Variants in BHLHE23 observed in about 807,000 individuals in gnomAD.
BHLHE23 encodes class E basic helix-loop-helix protein 23.
For missense variants in BHLHE23, 401 were observed against 380.0 expected (o/e 1.06, Z -0.46); for synonymous variants, 204 against 184.4 (o/e 1.11, Z -0.86).
In BHLHE23 at chr20:63,006,653, C is replaced by T; in HGVS notation, c.122G>A (p.Gly41Asp). Residue 41 changes from glycine (G) to aspartate (D), a missense_variant, in exon 1 of 1, where the codon GGT becomes GAT. Physicochemically the swap from Gly to Asp is moderately conservative, Grantham distance 94. Coordinates refer to ENST00000612929, the MANE Select transcript of BHLHE23 (RefSeq NM_080606.4). ...TTCTCGCGCCGCCCCGTAGGCGAGA[C>T]CCGCAGCCGCCGCCGCGTAGCCGTG... ...LSHGYAAAAA[G>D]LAYGAAREPE... is the part of the protein sequence containing the mutation. 2.5e-5 allele frequency: 34 copies of T among 1,373,762 alleles called. No individual in the cohort carries two copies. Among genetic ancestry groups the T allele is most frequent in the Non-Finnish European group, 3.1e-5 (33 of 1,063,190 alleles). 85.1% of individuals were successfully genotyped at this position (1,373,762 alleles called of 1,614,324 possible). A position where few individuals can be genotyped will look rare whatever the true frequency, so the allele number is the denominator to read the frequency against.
In BHLHE23 at chr20:63,006,477, C is replaced by A; in HGVS notation, c.298G>T (p.Gly100Trp). The A allele has an allele frequency of 7.5e-7, 1 of 1,337,422 alleles. No individual in the cohort carries two copies. The highest frequency in any genetic ancestry group is 2.1e-5 in the South Asian group (1 of 48,520). The allele number at this position is 1,337,422 out of a possible 1,614,324, so 82.8% of individuals were successfully genotyped here. A position where few individuals can be genotyped will look rare whatever the true frequency, so the allele number is the denominator to read the frequency against. ...DAFEQRRRRR[G>W]PGSAADGRRR... Reference sequence around the variant, plus strand: ...CGCCCGTCCGCCGCGCTCCCTGGCCCGCGCCGCCGCCGCCGCTGCTCGAAG... The same window carrying A: ...CGCCCGTCCGCCGCGCTCCCTGGCCAGCGCCGCCGCCGCCGCTGCTCGAAG... The change falls in exon 1 of 1, where the codon GGG (glycine) becomes TGG (tryptophan). Residue 100 changes from glycine to tryptophan, a missense_variant. Coordinates refer to ENST00000612929, the MANE Select transcript of BHLHE23 (RefSeq NM_080606.4).
rs1331393341 is a variant in BHLHE23 at position 63,006,006 on chromosome 20, G to A, written c.*43C>T. The A allele has an allele frequency of 2.0e-6, 3 of 1,478,188 alleles. No individual in the cohort carries two copies. The highest frequency in any genetic ancestry group is 1.4e-5 in the African/African-American group (1 of 70,550). The allele number at this position is 1,478,188 out of a possible 1,614,324, so 91.6% of individuals were successfully genotyped here. On this transcript the variant is annotated 3_prime_UTR_variant, in exon 1 of 1. Coordinates refer to ENST00000612929, the MANE Select transcript of BHLHE23 (RefSeq NM_080606.4). The stretch of plus-strand genomic sequence containing the variant: ...GTCCGGGCAGAGAGACAGTCACAGG[G>A]GCGATCGGAGGACGCGTGCGGGAGG...
At position 63,006,449 on chromosome 20, in the gene BHLHE23, C is replaced by T; in HGVS notation, c.326G>A (p.Arg109Gln). The T allele has an allele frequency of 6.9e-7, 1 of 1,447,392 alleles. No homozygotes were observed. Among genetic ancestry groups the T allele is most frequent in the Non-Finnish European group, 9.0e-7 (1 of 1,110,314 alleles). 89.7% of individuals were successfully genotyped at this position (1,447,392 alleles called of 1,614,324 possible). ...CAGAGACCGCTGCTCTCGCGGCCGC[C>T]GCCGCCCGTCCGCCGCGCTCCCTGG... Reference protein sequence around the residue: ...RGPGSAADGRRRPREQRSLRL... With the variant: ...RGPGSAADGRQRPREQRSLRL... The change falls in exon 1 of 1, where the codon CGG (arginine) becomes CAG (glutamine). Residue 109 changes from arginine (R) to glutamine (Q), a missense_variant. Transcript: ENST00000612929.
Position 63,006,845 on chromosome 20 carries a change from C to T in BHLHE23, c.-71G>A, listed in dbSNP as rs2065794005. The T allele has an allele frequency of 4.9e-6, 6 of 1,227,204 alleles. No homozygotes were observed. The South Asian group carries it at 2.0e-4, about 40-fold the overall frequency. 76.0% of individuals were successfully genotyped at this position (1,227,204 alleles called of 1,614,324 possible). On this transcript the variant is annotated 5_prime_UTR_variant, in exon 1 of 1. Transcript: ENST00000612929. ...TGCCGCTGCGATGAGGCTCCCGGCT[C>T]TGCGCGTCGGTCTGGCTTGCCTGCG...
chr20:63,006,732 C>G lies in BHLHE23; in HGVS notation c.43G>C (p.Ala15Pro). The change falls in exon 1 of 1, where the codon GCG becomes CCG. Residue 15 changes from alanine to proline, a missense_variant. Transcript: ENST00000612929. Reference sequence around the variant, plus strand: ...AGCGACTTGAGCTCGGCCATGGCCGCGCCGCCTGGGCTCGGGGGCTCGCCG... The same window carrying G: ...AGCGACTTGAGCTCGGCCATGGCCGGGCCGCCTGGGCTCGGGGGCTCGCCG... ...PPGEPPSPGG[A>P]AMAELKSLSG... 1 of 1,315,396 alleles carries G rather than the reference C, an allele frequency of 7.6e-7. No homozygotes were observed. 81.5% of individuals were successfully genotyped at this position (1,315,396 alleles called of 1,614,324 possible).
rs756659580 is a variant in BHLHE23 at position 63,006,065 on chromosome 20, CAG to C, written c.708_709del (p.His236GlnfsTer23). The C allele has an allele frequency of 6.5e-7, 1 of 1,535,058 alleles. No homozygotes were observed. Among genetic ancestry groups the C allele is most frequent in the South Asian group, 1.2e-5 (1 of 82,542 alleles). On this transcript the variant is annotated frameshift_variant, in exon 1 of 1. Transcript: ENST00000612929. LOFTEE classifies it high-confidence loss of function. The stretch of plus-strand genomic sequence containing the variant: ...CCCGCGCGGTCACGGCTTCTCGTGA[CAG>C]TGTTTGCAAAGCGCGGAGGGCGTCC...
Position 63,006,095 on chromosome 20 carries a change from G to A in BHLHE23, c.680C>T (p.Ser227Phe). ...GPCPDKCAAF[S>F]GTPSALCKHC... ...TTTGCAAAGCGCGGAGGGCGTCCCGGAGAAGGCGGCGCACTTGTCAGGGCA... is the reference window on the plus strand; with the variant it reads ...TTTGCAAAGCGCGGAGGGCGTCCCGAAGAAGGCGGCGCACTTGTCAGGGCA... The change falls in exon 1 of 1, where the codon TCC becomes TTC. Residue 227 changes from serine to phenylalanine, a missense_variant. Coordinates refer to ENST00000612929, the MANE Select transcript of BHLHE23 (RefSeq NM_080606.4). 4 of 1,546,286 alleles carry A rather than the reference G, an allele frequency of 2.6e-6. No homozygotes were observed. Among genetic ancestry groups the A allele is most frequent in the Non-Finnish European group, 3.5e-6 (4 of 1,147,810 alleles).
At position 63,006,379 on chromosome 20, in the gene BHLHE23, T is replaced by G; in HGVS notation, c.396A>C (p.Leu132=). Residue 132 remains leucine, a synonymous_variant, in exon 1 of 1, where the codon CTA becomes CTC. Transcript: ENST00000612929. ...CTCGCAGCCCGTCCAGCGCGTCGTT[T>G]AGGTCGTGCATGCGCCGCCGCTCGC... ...NARERRRMHD[L]NDALDGLRAV... is the part of the protein sequence containing the mutation. 1 of 1,605,034 alleles carries G rather than the reference T, an allele frequency of 6.2e-7. No homozygotes were observed. The highest frequency in any genetic ancestry group is 8.5e-7 in the Non-Finnish European group (1 of 1,178,900).
In BHLHE23 at chr20:63,006,397, C is replaced by T. The variant is rs1394878512; in HGVS notation, c.378G>A (p.Arg126=). The change falls in exon 1 of 1, where the codon CGG becomes CGA. Residue 126 remains arginine (R), a synonymous_variant. Transcript: ENST00000612929. Reference sequence around the variant, plus strand: ...CGTCGTTTAGGTCGTGCATGCGCCGCCGCTCGCGCGCGTTGATGCTGAGCC... The same window carrying T: ...CGTCGTTTAGGTCGTGCATGCGCCGTCGCTCGCGCGCGTTGATGCTGAGCC... The part of the protein sequence containing the change: ...SLRLSINARE[R]RRMHDLNDAL... 8 of 1,590,998 alleles carry T rather than the reference C, an allele frequency of 5.0e-6. No individual in the cohort carries two copies. The highest frequency in any genetic ancestry group is 4.1e-5 in the African/African-American group (3 of 73,726).
chr20:63,005,997 A>G lies in BHLHE23; in HGVS notation c.*52T>C. On this transcript the variant is annotated 3_prime_UTR_variant, in exon 1 of 1. Transcript: ENST00000612929. ...GCCTTTCCTGTCCGGGCAGAGAGACAGTCACAGGGGCGATCGGAGGACGCG... is the reference window on the plus strand; with the variant it reads ...GCCTTTCCTGTCCGGGCAGAGAGACGGTCACAGGGGCGATCGGAGGACGCG... 3 of 1,456,214 alleles carry G rather than the reference A, an allele frequency of 2.1e-6. No homozygotes were observed. Among genetic ancestry groups the G allele is most frequent in the Middle Eastern group, 2.3e-4 (1 of 4,338 alleles). The allele number at this position is 1,456,214 out of a possible 1,614,324, so 90.2% of individuals were successfully genotyped here.
At position 63,006,061 on chromosome 20, in the gene BHLHE23, G is replaced by T. The variant is rs112028222; in HGVS notation, c.714C>A (p.His238Gln). 1 of 1,533,042 alleles carries T rather than the reference G, an allele frequency of 6.5e-7. No individual in the cohort carries two copies. The highest frequency in any genetic ancestry group is 2.1e-5 in the Admixed American group (1 of 48,612). 95.0% of individuals were successfully genotyped at this position (1,533,042 alleles called of 1,614,324 possible). Residue 238 changes from histidine (H) to glutamine (Q), a missense_variant, in exon 1 of 1, where the codon CAC becomes CAA. His to Gln is a conservative substitution (Grantham distance 24). Coordinates refer to ENST00000612929, the MANE Select transcript of BHLHE23 (RefSeq NM_080606.4). ...GTPSALCKHC[H>Q]EKP is the part of the protein sequence containing the mutation. Reference sequence around the variant, plus strand: ...GGGGCCCGCGCGGTCACGGCTTCTCGTGACAGTGTTTGCAAAGCGCGGAGG... The same window carrying T: ...GGGGCCCGCGCGGTCACGGCTTCTCTTGACAGTGTTTGCAAAGCGCGGAGG...
In BHLHE23 at chr20:63,006,423, G is replaced by C; in HGVS notation, c.352C>G (p.Arg118Gly). Reference sequence around the variant, plus strand: ...CGCTCGCGCGCGTTGATGCTGAGCCGCAGAGACCGCTGCTCTCGCGGCCGC... The same window carrying C: ...CGCTCGCGCGCGTTGATGCTGAGCCCCAGAGACCGCTGCTCTCGCGGCCGC... ...RRRPREQRSL[R>G]LSINARERRR... The change falls in exon 1 of 1, where the codon CGG (arginine) becomes GGG (glycine). Residue 118 changes from arginine to glycine, a missense_variant. Physicochemically the swap from Arg to Gly is moderately radical, Grantham distance 125. Transcript: ENST00000612929. 1 of 1,538,104 alleles carries C rather than the reference G, an allele frequency of 6.5e-7. No homozygotes were observed. Among genetic ancestry groups the C allele is most frequent in the Non-Finnish European group, 8.7e-7 (1 of 1,153,062 alleles).
rs989752675 is a variant in BHLHE23, at chr20:63,006,091, C to G, written c.684G>C (p.Gly228=). 23 of 1,544,938 alleles carry G rather than the reference C, an allele frequency of 1.5e-5. No homozygotes were observed. Among genetic ancestry groups the G allele is most frequent in the Non-Finnish European group, 1.8e-5 (21 of 1,147,334 alleles). The change falls in exon 1 of 1, where the codon GGG becomes GGC. Residue 228 remains glycine, a synonymous_variant. Coordinates refer to ENST00000612929, the MANE Select transcript of BHLHE23 (RefSeq NM_080606.4). ...PCPDKCAAFS[G]TPSALCKHCH... ...AGTGTTTGCAAAGCGCGGAGGGCGT[C>G]CCGGAGAAGGCGGCGCACTTGTCAG... is the stretch of plus-strand genomic sequence containing the variant.
rs918145672 is a variant in BHLHE23, at chr20:63,006,808, CGCCGCT to C, written c.-40_-35del. 1.4e-5 allele frequency: 17 copies of C among 1,235,212 alleles called. No homozygotes were observed. The highest frequency in any genetic ancestry group is 4.3e-5 in the Admixed American group (1 of 23,406). The allele number at this position is 1,235,212 out of a possible 1,614,324, so 76.5% of individuals were successfully genotyped here. A position where few individuals can be genotyped will look rare whatever the true frequency, so the allele number is the denominator to read the frequency against. ...GCAGCCCCCGAGGCCGGCCCGAGCC[CGCCGCT>C]GCCGCTGCCGCTGCGATGAGGCTCC... On this transcript the variant is annotated 5_prime_UTR_variant, in exon 1 of 1. Coordinates refer to ENST00000612929, the MANE Select transcript of BHLHE23 (RefSeq NM_080606.4).
Position 63,006,634 on chromosome 20 carries a change from C to T in BHLHE23, c.141G>A (p.Ala47=). Residue 47 remains alanine, a synonymous_variant, in exon 1 of 1, where the codon GCG becomes GCA. Transcript: ENST00000612929. ...AAAAGLAYGA[A]REPEAARGYG... is the part of the protein sequence containing the mutation. ...AGCCGCGGGCCGCTTCGGGTTCTCG[C>T]GCCGCCCCGTAGGCGAGACCCGCAG... 7.4e-6 allele frequency: 10 copies of T among 1,358,310 alleles called. No individual in the cohort carries two copies. Among genetic ancestry groups the T allele is most frequent in the Non-Finnish European group, 9.5e-6 (10 of 1,055,396 alleles). 84.1% of individuals were successfully genotyped at this position (1,358,310 alleles called of 1,614,324 possible). A position where few individuals can be genotyped will look rare whatever the true frequency, so the allele number is the denominator to read the frequency against.
Position 63,006,482 on chromosome 20 carries a change from C to T in BHLHE23, c.293G>A (p.Arg98Gln). Residue 98 changes from arginine to glutamine, a missense_variant, in exon 1 of 1, where the codon CGG becomes CAG. By Grantham distance (43) the Arg-to-Gln change is conservative (BLOSUM62 1). Transcript: ENST00000612929. ...EDDAFEQRRR[R>Q]RGPGSAADGR... ...GTCCGCCGCGCTCCCTGGCCCGCGC[C>T]GCCGCCGCCGCTGCTCGAAGGCGTC... 7.5e-7 allele frequency: 1 copy of T among 1,330,026 alleles called. No individual in the cohort carries two copies. Among genetic ancestry groups the T allele is most frequent in the Non-Finnish European group, 9.5e-7 (1 of 1,050,954 alleles). 82.4% of individuals were successfully genotyped at this position (1,330,026 alleles called of 1,614,324 possible).
In BHLHE23 at chr20:63,006,250, G is replaced by C; in HGVS notation, c.525C>G (p.Asp175Glu). 1 of 1,610,600 alleles carries C rather than the reference G, an allele frequency of 6.2e-7. No individual in the cohort carries two copies. The highest frequency in any genetic ancestry group is 1.1e-5 in the South Asian group (1 of 90,926). Reference protein sequence around the residue: ...NYILMQAQALDEMRRLVAFLN... With the variant: ...NYILMQAQALEEMRRLVAFLN... ...GGAAGGCCACCAGGCGCCGCATCTC[G>C]TCCAGGGCCTGCGCCTGCATGAGGA... The change falls in exon 1 of 1, where the codon GAC (aspartate) becomes GAG (glutamate). Residue 175 changes from aspartate to glutamate, a missense_variant. Transcript: ENST00000612929.
chr20:63,006,872 G>T lies in BHLHE23; in HGVS notation c.-98C>A. On this transcript the variant is annotated 5_prime_UTR_variant, in exon 1 of 1. Transcript: ENST00000612929. ...GCGCGTCGGTCTGGCTTGCCTGCGGGTCCCAGAGCCTCGGCGCCCGCTGCC... is the reference window on the plus strand; with the variant it reads ...GCGCGTCGGTCTGGCTTGCCTGCGGTTCCCAGAGCCTCGGCGCCCGCTGCC... 1 of 1,222,142 alleles carries T rather than the reference G, an allele frequency of 8.2e-7. No individual in the cohort carries two copies. 75.7% of individuals were successfully genotyped at this position (1,222,142 alleles called of 1,614,324 possible). A position where few individuals can be genotyped will look rare whatever the true frequency, so the allele number is the denominator to read the frequency against.
rs2065792613 is a variant in BHLHE23 at position 63,006,582 on chromosome 20, G to GGTCGCCGCCCGGGCCCGGAGTGCC, written c.169_192dup (p.Gly57_Asp64dup). 1 of 1,302,598 alleles carries GGTCGCCGCCCGGGCCCGGAGTGCC rather than the reference G, an allele frequency of 7.7e-7. No homozygotes were observed. The highest frequency in any genetic ancestry group is 9.7e-7 in the Non-Finnish European group (1 of 1,028,600). 80.7% of individuals were successfully genotyped at this position (1,302,598 alleles called of 1,614,324 possible). A position where few individuals can be genotyped will look rare whatever the true frequency, so the allele number is the denominator to read the frequency against. ...GCGCGAGGTGCAGGCGCCGCGGGGAGGTCGCCGCCCGGGCCCGGAGTGCCG... is the reference window on the plus strand; with the variant it reads ...GCGCGAGGTGCAGGCGCCGCGGGGAGGTCGCCGCCCGGGCCCGGAGTGCCGTCGCCGCCCGGGCCCGGAGTGCCG... On this transcript the variant is annotated inframe_insertion, in exon 1 of 1. Transcript: ENST00000612929.
Sources: allele counts gnomAD v4.1 joint callset, GRCh38; gene constraint gnomAD v4.1.1; transcripts MANE v1.5; gene names NCBI Gene and HGNC (gene_info 2026-07-23, HGNC 2026-07-21).